The following GALNT7 variants were observed in gnomAD, a reference collection of about 807,000 sequenced individuals.
The protein encoded by GALNT7 is polypeptide N-acetylgalactosaminyltransferase 7.
GALNT7 carries 60 observed loss-of-function variants against 82.1 expected under a neutral mutation model. That is an observed-to-expected ratio of 0.73 (90% CI 0.59 to 0.91). The LOEUF (loss-of-function observed/expected upper bound fraction) is 0.91. Among genes scored for constraint, GALNT7 ranks in the 40% least tolerant of loss-of-function variants. GALNT7 has a pLI of 0.00. For synonymous variants in GALNT7, 243 were observed against 275.1 expected (o/e 0.88, Z 1.15); for missense variants, 660 against 804.2 (o/e 0.82, Z 2.17).
intron 2 of GALNT7, among the ~76,000 whole-genome samples, chr4:173,264,685 A>G (rs1179835928): frequency 2.0e-5 from 3 of 152,096 alleles, no homozygotes; most frequent in South Asian, 2.1e-4. Flanking sequence ...ATGTTTTCCC[A>G]GGTCTCTCTC....
At chr4:173,222,277 T>C (rs537643654) in intron 1 of GALNT7, among the ~76,000 whole-genome samples, 122 of 152,280 alleles carry the variant, frequency 8.0e-4, no homozygotes, top group Admixed American at 2.4e-3. Context: ...TTAATTTTAT[T>C]ATTATTATTT....
chr4:173,239,497 A>G (rs898162280), intron 1 of GALNT7, among the ~76,000 whole-genome samples: 1 of 152,224 alleles, frequency 6.6e-6, no homozygotes, highest in African/African-American at 2.4e-5. Context: ...AAGGCAATAC[A>G]GAAGTGCAAT....
chr4:173,202,310 G>A (rs566442296), intron 1 of GALNT7, among the ~76,000 whole-genome samples: 1 of 152,232 alleles, frequency 6.6e-6, no homozygotes, highest in East Asian at 1.9e-4. Context: ...ACAAATTATT[G>A]TGGGTCCAAC....
chr4:173,169,730 A>G (rs949382418), intron 1 of GALNT7: 1 of 151,946 alleles, frequency 6.6e-6, no homozygotes, highest in Non-Finnish European at 1.5e-5. Context: ...CGCCGCCCCC[A>G]GCCCTCAGCG....
chr4:173,186,930 A>C lies in GALNT7; in HGVS notation c.126+17969A>C, dbSNP rs556471596. Among the ~76,000 whole-genome samples the C allele has an allele frequency of 9.1e-4, 138 of 152,124 alleles. 1 individual carries two copies. Among genetic ancestry groups the C allele is most frequent in the Non-Finnish European group, 1.2e-3 (83 of 67,994 alleles). On this transcript the variant is annotated intron_variant, in intron 1 of 11. Transcript: ENST00000265000. ...CAGGTGCATACCACCATGCCCAGCTAATTTTTTAATATTTTTAGTAGAGAC... is the reference window on the plus strand; with the variant it reads ...CAGGTGCATACCACCATGCCCAGCTCATTTTTTAATATTTTTAGTAGAGAC...
chr4:173,308,611 T>C (rs7665469), intron 8 of GALNT7, among the ~76,000 whole-genome samples: 8,764 of 152,192 alleles, frequency 0.058, 396 homozygotes, highest in African/African-American at 0.12. Context: ...TCACATAAAA[T>C]AGAGGAAAAT....
Position 173,258,748 on chromosome 4 carries a change from A to T in GALNT7, c.587+10308A>T, listed in dbSNP as rs139056445. ...GTAACTCGAAGATGGAGATCCTGGG[A>T]CTCAAATTCTGGCATATACACCCAT... is the stretch of plus-strand genomic sequence containing the variant. On this transcript the variant is annotated intron_variant, in intron 2 of 11. Transcript: ENST00000265000. Among the ~76,000 whole-genome samples, 369 of 152,314 alleles carry T rather than the reference A, an allele frequency of 2.4e-3. 5 individuals carry two copies. Among genetic ancestry groups the T allele is most frequent in the Middle Eastern group, 0.01 (3 of 294 alleles).
intron 1 of GALNT7, among the ~76,000 whole-genome samples, chr4:173,184,599 C>T (rs1456192496): frequency 5.5e-5 from 6 of 109,692 alleles, no homozygotes; most frequent in Admixed American, 1.3e-4. Flanking sequence ...AGAGGGAGCT[C>T]GGCATCAGAG....
chr4:173,254,985 A>G (rs989038479), intron 2 of GALNT7, among the ~76,000 whole-genome samples: 1 of 152,230 alleles, frequency 6.6e-6, no homozygotes, highest in African/African-American at 2.4e-5. Flanking sequence ...TACACATTGC[A>G]TGTTAGAATT....
rs1217032450 is a variant in GALNT7, at chr4:173,321,673, A to G, written c.1930A>G (p.Lys644Glu). The change falls in exon 12 of 12, where the codon AAA (lysine) becomes GAA (glutamate). Residue 644 changes from lysine (K) to glutamate (E), a missense_variant. Lys to Glu is a moderately conservative substitution (Grantham distance 56). Transcript: ENST00000265000. The part of the protein sequence containing the change: ...QVFISNCDSS[K>E]TTQKWEMNNI... ...ATTCATCTCCAATTGTGACTCCAGT[A>G]AAACGACTCAAAAATGGGAAATGAA... 1.2e-6 allele frequency: 2 copies of G among 1,607,758 alleles called. No individual in the cohort carries two copies. Among genetic ancestry groups the G allele is most frequent in the East Asian group, 2.2e-5 (1 of 44,802 alleles).
intron 6 of GALNT7, among the ~76,000 whole-genome samples, chr4:173,301,366 C>T (rs1736928488): frequency 6.6e-6 from 1 of 152,044 alleles, no homozygotes; most frequent in Non-Finnish European, 1.5e-5. Context: ...AGTGACTTGT[C>T]CCTAAGAAGC....
chr4:173,194,437 C>T (rs1012822570), intron 1 of GALNT7, among the ~76,000 whole-genome samples: 3 of 152,134 alleles, frequency 2.0e-5, no homozygotes, highest in Non-Finnish European at 4.4e-5. Context: ...TTTGTCAACA[C>T]GTCCACATTT....
intron 2 of GALNT7, among the ~76,000 whole-genome samples, chr4:173,271,008 A>G (rs923187148): frequency 6.6e-6 from 1 of 152,258 alleles, no homozygotes; most frequent in Admixed American, 6.5e-5. Context: ...AGTTCCCCTC[A>G]GTATAATTTG....
chr4:173,323,859 T>C lies in GALNT7; in HGVS notation c.*2142T>C. The C allele has an allele frequency of 6.6e-6, 1 of 152,626 alleles. No homozygotes were observed. Among genetic ancestry groups the C allele is most frequent in the Admixed American group, 6.5e-5 (1 of 15,274 alleles). 9.5% of individuals were successfully genotyped at this position (152,626 alleles called of 1,614,324 possible). A position where few individuals can be genotyped will look rare whatever the true frequency, so the allele number is the denominator to read the frequency against. On this transcript the variant is annotated 3_prime_UTR_variant, in exon 12 of 12. Coordinates refer to ENST00000265000, the MANE Select transcript of GALNT7 (RefSeq NM_017423.3). ...ACACTGTATGTTTCTGTAGAAATTG[T>C]ATAAATATTCAAAATTTTATTAGGA...
At chr4:173,180,297 AT>A (rs1171775104) in intron 1 of GALNT7, among the ~76,000 whole-genome samples, 1 of 149,374 alleles carries the variant, frequency 6.7e-6, no homozygotes, top group Admixed American at 6.7e-5. Flanking sequence ...AAAATTTACC[AT>A]GCAATATATT....
Position 173,258,941 on chromosome 4 carries a change from C to T in GALNT7, c.587+10501C>T, listed in dbSNP as rs146439335. ...AAGACAGGGTTTCACAATCTCGGCA[C>T]TTGACATTTGGGCCAGATAATTCTT... On this transcript the variant is annotated intron_variant, in intron 2 of 11. Coordinates refer to ENST00000265000, the MANE Select transcript of GALNT7 (RefSeq NM_017423.3). Among the ~76,000 whole-genome samples, 282 of 152,330 alleles carry T rather than the reference C, an allele frequency of 1.9e-3. 1 individual carries two copies. Among genetic ancestry groups the T allele is most frequent in the African/African-American group, 6.6e-3 (276 of 41,572 alleles).
Position 173,295,498 on chromosome 4 carries a change from T to C in GALNT7, c.857T>C (p.Ile286Thr), listed in dbSNP as rs182780986. 9.9e-6 allele frequency: 16 copies of C among 1,613,688 alleles called. No individual in the cohort carries two copies. The South Asian group carries it at 1.3e-4, about 13-fold the overall frequency. ...RREGLIQARS[I>T]GAQKAKLGQV... ...GAAGGTTTAATTCAAGCACGAAGTA[T>C]TGGTGCTCAGAAGGCTAAACTTGGA... The change falls in exon 4 of 12, where the codon ATT (isoleucine) becomes ACT (threonine). Residue 286 changes from isoleucine to threonine, a missense_variant. By Grantham distance (89) the Ile-to-Thr change is moderately conservative. This residue lies in a region of GALNT7 where 527 missense variants were observed against 683.5 expected (regional missense o/e 0.77). Coordinates refer to ENST00000265000, the MANE Select transcript of GALNT7 (RefSeq NM_017423.3).
chr4:173,269,618 A>C (rs772558922), intron 2 of GALNT7, among the ~76,000 whole-genome samples: 4 of 152,236 alleles, frequency 2.6e-5, no homozygotes, highest in Non-Finnish European at 5.9e-5. Context: ...CCCCAAGTGC[A>C]TCACCTTTCC....
At chr4:173,244,754 G>A (rs1734560403) in intron 1 of GALNT7, among the ~76,000 whole-genome samples, 1 of 151,866 alleles carries the variant, frequency 6.6e-6, no homozygotes, top group African/African-American at 2.4e-5. Context: ...ATAGAAAGAA[G>A]TGGCCAGATG....
Sources: allele counts gnomAD v4.1 joint callset (sites outside exome capture counted in the v4.1 genomes callset), GRCh38; gene constraint gnomAD v4.1.1; regional missense constraint gnomAD v4.1.1; transcripts MANE v1.5; gene names NCBI Gene and HGNC (gene_info 2026-07-23, HGNC 2026-07-21).